Variants in AGBL4 observed in about 807,000 individuals in gnomAD.
The protein encoded by AGBL4 is AGBL carboxypeptidase 4.
In AGBL4, 58 loss-of-function variants were observed where a neutral mutation model predicts 66.4. That is an observed-to-expected ratio of 0.87 (90% CI 0.71 to 1.09). AGBL4 has a LOEUF of 1.09. Ranked by LOEUF, AGBL4 falls within the 50% of genes least tolerant of loss-of-function variation. The pLI, the probability that AGBL4 is intolerant of heterozygous loss-of-function variation, is 0.00. For missense variants in AGBL4, 579 were observed against 631.0 expected (o/e 0.92, Z 0.88); for synonymous variants, 234 against 222.9 (o/e 1.05, Z -0.44).
intron 1 of AGBL4, among the ~76,000 whole-genome samples, chr1:49,968,131 G>A (rs1289556011): frequency 6.6e-6 from 1 of 151,390 alleles, no homozygotes; most frequent in African/African-American, 2.4e-5. Flanking sequence ...GCTGAGACAG[G>A]AGAATCACTT....
chr1:50,003,919 C>T (rs1197086404), intron 1 of AGBL4, among the ~76,000 whole-genome samples: 3 of 152,042 alleles, frequency 2.0e-5, no homozygotes, highest in Admixed American at 1.3e-4. Flanking sequence ...CACAGGAACA[C>T]CAAATGAACA....
intron 2 of AGBL4, among the ~76,000 whole-genome samples, chr1:49,766,826 T>C (rs1390053713): frequency 6.6e-6 from 1 of 151,670 alleles, no homozygotes. Context: ...CTAAAAATAG[T>C]AAAACAAATC....
At chr1:49,991,389 T>C (rs562051404) in intron 1 of AGBL4, among the ~76,000 whole-genome samples, 26 of 152,312 alleles carry the variant, frequency 1.7e-4, no homozygotes, top group African/African-American at 6.3e-4. Context: ...TCTGCATACA[T>C]GACAATCACT....
intron 3 of AGBL4, among the ~76,000 whole-genome samples, chr1:49,329,841 C>T (rs1280522176): frequency 1.3e-5 from 2 of 152,110 alleles, no homozygotes; most frequent in Non-Finnish European, 2.9e-5. Flanking sequence ...TGATAATTCT[C>T]TACATTCACA....
chr1:48,587,434 G>T (rs1047255772), intron 10 of AGBL4, among the ~76,000 whole-genome samples: 1 of 151,732 alleles, frequency 6.6e-6, no homozygotes, highest in African/African-American at 2.4e-5. Flanking sequence ...GCAGACAGAG[G>T]AAAAAGAAGC....
At chr1:48,760,995 A>G (rs1431039590) in intron 6 of AGBL4, 1 of 186,776 alleles carries the variant, frequency 5.4e-6, no homozygotes, top group East Asian at 1.3e-4. Context: ...ACTTCTCCCC[A>G]AGAACATCTG....
At chr1:48,974,126 AG>A (rs1433127087) in intron 5 of AGBL4, among the ~76,000 whole-genome samples, 3 of 152,110 alleles carry the variant, frequency 2.0e-5, no homozygotes, top group East Asian at 1.9e-4. Context: ...TAGGTACTCA[AG>A]GGTATGACCT....
At chr1:49,962,516 T>G (rs1006971079) in intron 1 of AGBL4, among the ~76,000 whole-genome samples, 2 of 152,122 alleles carry the variant, frequency 1.3e-5, no homozygotes, top group Non-Finnish European at 2.9e-5. Flanking sequence ...GAAGTTATCT[T>G]AGGGAATCTT....
intron 5 of AGBL4, among the ~76,000 whole-genome samples, chr1:48,931,624 G>T (rs914595479): frequency 1.3e-5 from 2 of 151,914 alleles, no homozygotes; most frequent in East Asian, 3.9e-4. Context: ...TGCTCAAATG[G>T]TCCTTAGACC....
chr1:49,007,716 C>T (rs1661981918), intron 5 of AGBL4, among the ~76,000 whole-genome samples: 1 of 151,002 alleles, frequency 6.6e-6, no homozygotes, highest in Non-Finnish European at 1.5e-5. Flanking sequence ...GAGTGGGGGC[C>T]AATATTCAAC....
intron 8 of AGBL4, among the ~76,000 whole-genome samples, chr1:48,652,355 G>A (rs111588210): frequency 2.0e-5 from 3 of 152,240 alleles, no homozygotes; most frequent in African/African-American, 7.2e-5. Context: ...GATGAAGAAG[G>A]GATGAGGGAT....
chr1:49,676,968 T>A (rs925705874), intron 3 of AGBL4, among the ~76,000 whole-genome samples: 3 of 152,070 alleles, frequency 2.0e-5, no homozygotes, highest in African/African-American at 7.2e-5. Context: ...TATGCCATGG[T>A]TTTTACTGCT....
chr1:49,917,879 A>ACT (rs975841495), intron 1 of AGBL4, among the ~76,000 whole-genome samples: 3 of 152,044 alleles, frequency 2.0e-5, no homozygotes, highest in Non-Finnish European at 4.4e-5. Context: ...ATTATAACAA[A>ACT]CTCTCTCTCA....
chr1:48,651,341 T>C (rs2148439503), intron 8 of AGBL4, among the ~76,000 whole-genome samples: 1 of 152,298 alleles, frequency 6.6e-6, no homozygotes, highest in Non-Finnish European at 1.5e-5. Flanking sequence ...AGTGTCCATC[T>C]AAAGCCCTGA....
At chr1:49,834,797 A>T (rs1057284259) in intron 2 of AGBL4, among the ~76,000 whole-genome samples, 1 of 152,138 alleles carries the variant, frequency 6.6e-6, no homozygotes, top group Non-Finnish European at 1.5e-5. Flanking sequence ...GTTTCAAAGA[A>T]CTTATTTATT....
At chr1:49,026,647 A>T (rs1393085041) in intron 5 of AGBL4, among the ~76,000 whole-genome samples, 1 of 152,178 alleles carries the variant, frequency 6.6e-6, no homozygotes, top group Non-Finnish European at 1.5e-5. Flanking sequence ...CCCTGTCCTC[A>T]CACAATGCAC....
Position 49,368,112 on chromosome 1 carries a change from G to A in AGBL4, c.283-122248C>T, listed in dbSNP as rs945821714. Among the ~76,000 whole-genome samples the A allele has an allele frequency of 3.9e-5, 6 of 152,060 alleles. No homozygotes were observed. In the East Asian group the frequency reaches 9.7e-4, roughly 24 times the overall value. ...ATCAGTCTGTCATTCTTTTATGGCC[G>A]AATAATATTCTACTATATGGATATG... On this transcript the variant is annotated intron_variant, in intron 3 of 13. Coordinates refer to ENST00000371839, the MANE Select transcript of AGBL4 (RefSeq NM_032785.4).
chr1:49,070,435 G>GCATT (rs1198293853), intron 4 of AGBL4, among the ~76,000 whole-genome samples: 5 of 151,878 alleles, frequency 3.3e-5, no homozygotes, highest in Non-Finnish European at 7.3e-5. Context: ...ACAGTTTTTA[G>GCATT]CATGAAGGGC....
chr1:49,831,229 C>G (rs1354248870), intron 2 of AGBL4, among the ~76,000 whole-genome samples: 3 of 152,184 alleles, frequency 2.0e-5, no homozygotes, highest in Non-Finnish European at 4.4e-5. Context: ...ACTGATTCTT[C>G]CTATCCATGA....
Sources: gnomAD v4.1 joint callset for allele counts (sites outside exome capture counted in the v4.1 genomes callset) on GRCh38, gnomAD v4.1.1 for gene constraint, MANE v1.5 for transcripts, NCBI Gene and HGNC (gene_info 2026-07-23, HGNC 2026-07-21) for gene names.